Variants in LOC128092252 observed in about 807,000 individuals in gnomAD.
the LOC128092252 span, among the ~76,000 whole-genome samples, chr15:50,684,656 G>C: frequency 2.0e-5 from 3 of 149,670 alleles, no homozygotes; most frequent in Non-Finnish European, 4.5e-5. Flanking sequence ...AAAGAAAAAA[G>C]AAAAAAAAAT....
the LOC128092252 span, among the ~76,000 whole-genome samples, chr15:50,656,368 G>A: frequency 2.0e-5 from 3 of 152,112 alleles, no homozygotes; most frequent in African/African-American, 7.2e-5. Context: ...GGTGTGATCA[G>A]GGCTTATTGC....
chr15:50,669,774 G>C, the LOC128092252 span, among the ~76,000 whole-genome samples: 1 of 151,502 alleles, frequency 6.6e-6, no homozygotes, highest in African/African-American at 2.4e-5. Context: ...ATCTCTGACT[G>C]AAGTCCAGGA....
chr15:50,669,704 G>GT, the LOC128092252 span, among the ~76,000 whole-genome samples: 1 of 151,870 alleles, frequency 6.6e-6, no homozygotes, highest in African/African-American at 2.4e-5. Context: ...CTCATCAGTT[G>GT]TTTGAGTTTT....
chr15:50,650,568 G>A, the LOC128092252 span, among the ~76,000 whole-genome samples: 23 of 152,044 alleles, frequency 1.5e-4, no homozygotes, highest in African/African-American at 5.3e-4. Context: ...GGTGGCGTAC[G>A]CTTGTAGTCC....
the LOC128092252 span, among the ~76,000 whole-genome samples, chr15:50,653,239 C>T: frequency 3.3e-5 from 5 of 152,118 alleles, no homozygotes; most frequent in Admixed American, 3.3e-4. Flanking sequence ...TAGCTTGAGC[C>T]GAGGACTTCA....
chr15:50,664,433 T>C, the LOC128092252 span, among the ~76,000 whole-genome samples: 4 of 150,094 alleles, frequency 2.7e-5, no homozygotes, highest in African/African-American at 4.9e-5. Context: ...TAAAAAGACA[T>C]AAAGCAAATT....
At chr15:50,667,896 T>C in the LOC128092252 span, among the ~76,000 whole-genome samples, 1 of 152,190 alleles carries the variant, frequency 6.6e-6, no homozygotes, top group Non-Finnish European at 1.5e-5. Context: ...TTTCTTTGGG[T>C]TGCATTTGTA....
the LOC128092252 span, among the ~76,000 whole-genome samples, chr15:50,673,652 C>T: frequency 6.7e-6 from 1 of 149,488 alleles, no homozygotes; most frequent in Non-Finnish European, 1.5e-5. Context: ...ATATATATAC[C>T]ACAGTTTCTT....
chr15:50,672,979 T>C, the LOC128092252 span, among the ~76,000 whole-genome samples: 1 of 151,686 alleles, frequency 6.6e-6, no homozygotes, highest in East Asian at 1.9e-4. Flanking sequence ...TACAATGTGT[T>C]TTATACGAAG....
At chr15:50,653,151 C>A in the LOC128092252 span, among the ~76,000 whole-genome samples, 1 of 152,004 alleles carries the variant, frequency 6.6e-6, no homozygotes, top group African/African-American at 2.4e-5. Flanking sequence ...TTCCCCACTC[C>A]CCCCAAAAAG....
At chr15:50,655,807 T>C in the LOC128092252 span, among the ~76,000 whole-genome samples, 1 of 152,028 alleles carries the variant, frequency 6.6e-6, no homozygotes. Context: ...CCAGCCACCA[T>C]GGTGAAACCC....
chr15:50,663,586 A>G, the LOC128092252 span, among the ~76,000 whole-genome samples: 1 of 151,940 alleles, frequency 6.6e-6, no homozygotes, highest in African/African-American at 2.4e-5. Flanking sequence ...TCAAATAGTC[A>G]AACAGGAGGG....
the LOC128092252 span, among the ~76,000 whole-genome samples, chr15:50,661,908 T>A: frequency 6.6e-6 from 1 of 152,166 alleles, no homozygotes; most frequent in Non-Finnish European, 1.5e-5. Context: ...TTTTTTTCTA[T>A]CTTTAGGCCT....
chr15:50,679,801 C>A, the LOC128092252 span, among the ~76,000 whole-genome samples: 1 of 151,876 alleles, frequency 6.6e-6, no homozygotes. Flanking sequence ...TCCCAAAGCA[C>A]TGGGATTACA....
the LOC128092252 span, among the ~76,000 whole-genome samples, chr15:50,669,198 T>A: frequency 4.6e-5 from 7 of 151,924 alleles, no homozygotes; most frequent in African/African-American, 1.7e-4. Flanking sequence ...TCACAGCACA[T>A]TGGGAGGCTG....
chr15:50,684,626 C>T, the LOC128092252 span, among the ~76,000 whole-genome samples: 1 of 151,376 alleles, frequency 6.6e-6, no homozygotes, highest in African/African-American at 2.4e-5. Context: ...GGCAACAGAG[C>T]GAGACTCGGT....
chr15:50,686,116 G>A, the LOC128092252 span, among the ~76,000 whole-genome samples: 3 of 152,152 alleles, frequency 2.0e-5, no homozygotes, highest in Admixed American at 2.0e-4. Context: ...CTTGAGCAGA[G>A]CATTTGGTTC....
the LOC128092252 span, among the ~76,000 whole-genome samples, chr15:50,658,148 G>C: frequency 6.6e-6 from 1 of 151,820 alleles, no homozygotes; most frequent in Non-Finnish European, 1.5e-5. Flanking sequence ...GGGACTACAG[G>C]CTCCTGCCAC....
At chr15:50,666,233 T>C in the LOC128092252 span, among the ~76,000 whole-genome samples, 1 of 152,150 alleles carries the variant, frequency 6.6e-6, no homozygotes, top group Admixed American at 6.5e-5. Flanking sequence ...GTCCAGGAGT[T>C]TGAGACCAGC....
Sources: allele counts gnomAD v4.1 joint callset (sites outside exome capture counted in the v4.1 genomes callset), GRCh38; gene constraint gnomAD v4.1.1; transcripts MANE v1.5.